The following KCMF1 variants were observed in gnomAD, a reference collection of about 807,000 sequenced individuals.
KCMF1 encodes the protein E3 ubiquitin-protein ligase KCMF1.
In KCMF1, 3 loss-of-function variants were observed where a neutral mutation model predicts 41.1. The observed-to-expected ratio is 0.07, with a 90% CI of 0.03 to 0.19. The LOEUF is 0.19. Ranked by LOEUF, KCMF1 falls within the 10% of genes least tolerant of loss-of-function variation. KCMF1 has a pLI of 1.00. For missense variants in KCMF1, 286 were observed against 488.9 expected, an observed-to-expected ratio of 0.58 and a Z score of 3.91; for synonymous variants, 142 against 164.5, an observed-to-expected ratio of 0.86 and a Z score of 1.04.
intron 3 of KCMF1, among the ~76,000 whole-genome samples, chr2:85,040,694 C>T (rs1228974135): frequency 6.6e-6 from 1 of 152,078 alleles, no homozygotes; most frequent in African/African-American, 2.4e-5. Flanking sequence ...TTTGAGTTAA[C>T]TTCATGTGAC....
At chr2:85,038,929 A>G (rs2104047208) in intron 3 of KCMF1, among the ~76,000 whole-genome samples, 1 of 152,354 alleles carries the variant, frequency 6.6e-6, no homozygotes, top group South Asian at 2.1e-4. Flanking sequence ...CGTGTGGCCC[A>G]GGCTGGTCTC....
intron 5 of KCMF1, 89 bp downstream of exon 5, chr2:85,046,367 C>T (rs1675667636): frequency 3.1e-6 from 3 of 975,308 alleles, no homozygotes; most frequent in East Asian, 5.3e-5. Flanking sequence ...CGGTGGCTCA[C>T]ACCTTTAATC....
At chr2:85,006,343 C>T (rs1057354972) in intron 1 of KCMF1, among the ~76,000 whole-genome samples, 12 of 146,730 alleles carry the variant, frequency 8.2e-5, no homozygotes, top group African/African-American at 1.8e-4. Flanking sequence ...CACTCTCACC[C>T]AGGCTGGAGT....
At chr2:85,003,995 C>T (rs996359072) in intron 1 of KCMF1, among the ~76,000 whole-genome samples, 1 of 152,104 alleles carries the variant, frequency 6.6e-6, no homozygotes, top group Non-Finnish European at 1.5e-5. Flanking sequence ...CCTATGTATC[C>T]TGTTATTCAT....
In KCMF1 at chr2:85,053,321, T is replaced by C; in HGVS notation, c.1058T>C (p.Val353Ala). 1 of 1,613,940 alleles carries C rather than the reference T, an allele frequency of 6.2e-7. No homozygotes were observed. The change falls in exon 7 of 7, where the codon GTA becomes GCA. Residue 353 changes from valine (V) to alanine (A), a missense_variant. Around this residue, in one of 2 missense-constraint regions of KCMF1, gnomAD observed 191 missense variants for 279.3 expected, o/e 0.68. Transcript: ENST00000409785. ...EMADFGAMGCVDIMPLDVALE... is the reference protein window; with the variant it reads ...EMADFGAMGCADIMPLDVALE... The stretch of plus-strand genomic sequence containing the variant: ...GCAGATTTTGGTGCTATGGGCTGTG[T>C]AGATATTATGCCTTTAGATGTTGCT...
At chr2:84,999,106 A>G (rs1472546434) in intron 1 of KCMF1, among the ~76,000 whole-genome samples, 2 of 149,548 alleles carry the variant, frequency 1.3e-5, no homozygotes, top group Non-Finnish European at 3.0e-5. Flanking sequence ...AGTAATCCCA[A>G]AGTGCTGGGA....
At chr2:85,006,015 C>G (rs942223546) in intron 1 of KCMF1, among the ~76,000 whole-genome samples, 2 of 152,088 alleles carry the variant, frequency 1.3e-5, no homozygotes, top group Non-Finnish European at 2.9e-5. Context: ...GACATACTTC[C>G]TCTTCAGTAA....
At chr2:85,007,691 G>A (rs1317302778) in intron 1 of KCMF1, among the ~76,000 whole-genome samples, 1 of 152,178 alleles carries the variant, frequency 6.6e-6, no homozygotes, top group Non-Finnish European at 1.5e-5. Context: ...TGTGTCCTCA[G>A]GTTACAAAGA....
chr2:85,021,905 C>T (rs1416712654), intron 1 of KCMF1, among the ~76,000 whole-genome samples: 1 of 152,080 alleles, frequency 6.6e-6, no homozygotes, highest in East Asian at 1.9e-4. Context: ...CAACCTCCGC[C>T]TCCCAGGTTC....
At chr2:85,004,511 C>A (rs1031077527) in intron 1 of KCMF1, among the ~76,000 whole-genome samples, 1 of 149,020 alleles carries the variant, frequency 6.7e-6, no homozygotes, top group Non-Finnish European at 1.5e-5. Context: ...GACTCCATCT[C>A]AAAAAAAAAT....
At chr2:85,040,831 G>T (rs1267337908) in intron 3 of KCMF1, among the ~76,000 whole-genome samples, 1 of 151,604 alleles carries the variant, frequency 6.6e-6, no homozygotes, top group African/African-American at 2.4e-5. Flanking sequence ...TGCGATCTTG[G>T]CTCACTGCAA....
intron 1 of KCMF1, among the ~76,000 whole-genome samples, chr2:84,990,522 G>A (rs1229163216): frequency 1.3e-5 from 2 of 152,072 alleles, no homozygotes; most frequent in South Asian, 4.1e-4. Context: ...AGTAGAGTGA[G>A]AGAATAAGGA....
chr2:85,008,318 T>C (rs1192768431), intron 1 of KCMF1, among the ~76,000 whole-genome samples: 3 of 67,862 alleles, frequency 4.4e-5, no homozygotes, highest in South Asian at 4.2e-4. Flanking sequence ...ATGATATATA[T>C]ATCATATATA....
At chr2:85,033,311 T>C (rs77854803) in intron 2 of KCMF1, among the ~76,000 whole-genome samples, 2,333 of 152,354 alleles carry the variant, frequency 0.015, 28 homozygotes, top group South Asian at 0.063. Context: ...TAAATAATTC[T>C]TTTTAGTGGC....
chr2:84,971,566 T>C (rs1673394407), intron 1 of KCMF1, 99 bp downstream of exon 1: 1 of 613,460 alleles, frequency 1.6e-6, no homozygotes, highest in Non-Finnish European at 2.2e-6. Context: ...GCGGAGACTT[T>C]GGCCGAGCCC....
intron 1 of KCMF1, among the ~76,000 whole-genome samples, chr2:84,996,240 A>T (rs1258550742): frequency 1.3e-5 from 2 of 152,122 alleles, no homozygotes; most frequent in African/African-American, 4.8e-5. Flanking sequence ...TGTCTGTTAC[A>T]CTGCAGGTGT....
At position 85,014,749 on chromosome 2, in the gene KCMF1, T is replaced by TGTG. The variant is rs1558575822; in HGVS notation, c.17-13140_17-13139insGTG. Among the ~76,000 whole-genome samples, 24 of 146,738 alleles carry TGTG rather than the reference T, an allele frequency of 1.6e-4. 1 individual carries two copies. Among genetic ancestry groups the TGTG allele is most frequent in the African/African-American group, 5.9e-4 (23 of 39,284 alleles). ...CGTGTGTGTGTGTGTGTGTGTGTGT[T>TGTG]TTTAAATAGAGATGAGGTCTTGCTA... On this transcript the variant is annotated intron_variant, in intron 1 of 6. Transcript: ENST00000409785.
At chr2:84,982,325 T>G (rs1052917113) in intron 1 of KCMF1, among the ~76,000 whole-genome samples, 6 of 151,006 alleles carry the variant, frequency 4.0e-5, no homozygotes, top group Non-Finnish European at 8.8e-5. Context: ...AATTAGGAGT[T>G]AAGGATGTTG....
chr2:84,985,828 CAA>C (rs531502850), intron 1 of KCMF1, among the ~76,000 whole-genome samples: 2 of 119,706 alleles, frequency 1.7e-5, no homozygotes, highest in African/African-American at 3.1e-5. Flanking sequence ...GACTCCATCT[CAA>C]AAAAAAAAAA....
Sources: allele counts gnomAD v4.1 joint callset (sites outside exome capture counted in the v4.1 genomes callset), GRCh38; gene constraint gnomAD v4.1.1; regional missense constraint gnomAD v4.1.1; transcripts MANE v1.5; gene names NCBI Gene and HGNC (gene_info 2026-07-23, HGNC 2026-07-21).